FAM174B: variants seen among roughly 807,000 people sequenced by gnomAD.
FAM174B encodes family with sequence similarity 174 member B.
Under a neutral mutation model 10.9 loss-of-function variants are expected in FAM174B, and 12 were observed. The observed-to-expected ratio is 1.10, with a 90% CI of 0.71 to 1.79. The LOEUF is 1.79. FAM174B is among the 40% of genes most tolerant of loss of function. The pLI is 0.00. For missense variants in FAM174B, 266 were observed against 233.3 expected (o/e 1.14, Z -0.91); for synonymous variants, 132 against 115.8 (o/e 1.14, Z -0.90).
intron 1 of FAM174B, among the ~76,000 whole-genome samples, chr15:92,643,138 T>A (rs2050902477): frequency 1.0e-3 from 1 of 980 alleles, no homozygotes; most frequent in Non-Finnish European, 0.028. Flanking sequence ...CTTTATTTGT[T>A]TTTTTTTTTT....
chr15:92,630,555 C>T (rs2050786007), intron 1 of FAM174B, among the ~76,000 whole-genome samples: 2 of 151,906 alleles, frequency 1.3e-5, no homozygotes, highest in South Asian at 4.1e-4. Context: ...ATTCGGTTAA[C>T]ACCCTGCTGC....
At chr15:92,633,394 G>A (rs1000453538) in intron 1 of FAM174B, among the ~76,000 whole-genome samples, 7 of 152,130 alleles carry the variant, frequency 4.6e-5, no homozygotes, top group Admixed American at 4.6e-4. Flanking sequence ...CATGTCTTTG[G>A]CATAAAGCAA....
chr15:92,641,907 ACTATACAT>A (rs1254649908), intron 1 of FAM174B, among the ~76,000 whole-genome samples: 2 of 152,254 alleles, frequency 1.3e-5, no homozygotes, highest in Non-Finnish European at 2.9e-5. Flanking sequence ...TCACTTGCAA[ACTATACAT>A]CTGATCAAAG....
At chr15:92,630,402 GCCCCAA>G in intron 1 of FAM174B, 57 bp from the exon 2 acceptor site, 1 of 1,531,028 alleles carries the variant, frequency 6.5e-7, no homozygotes. Context: ...GAGTCACTGG[GCCCCAA>G]GCCCCAGAGG....
intron 1 of FAM174B, among the ~76,000 whole-genome samples, chr15:92,654,922 T>C (rs1327191614): frequency 6.6e-6 from 1 of 152,166 alleles, no homozygotes; most frequent in East Asian, 1.9e-4. Flanking sequence ...CCTCCACCAC[T>C]GAGTTTACCT....
intron 2 of FAM174B, among the ~76,000 whole-genome samples, chr15:92,622,735 T>A (rs755907879): frequency 3.0e-4 from 45 of 152,352 alleles, no homozygotes; most frequent in Non-Finnish European, 5.3e-4. Context: ...TTGAGCCACC[T>A]TGGGCTCACT....
intron 1 of FAM174B, among the ~76,000 whole-genome samples, chr15:92,644,344 C>G (rs563782996): frequency 6.6e-6 from 1 of 152,304 alleles, no homozygotes; most frequent in African/African-American, 2.4e-5. Flanking sequence ...CGACAAGCCA[C>G]TGAGAGGCAA....
chr15:92,648,205 C>A (rs2050941241), intron 1 of FAM174B, among the ~76,000 whole-genome samples: 1 of 152,168 alleles, frequency 6.6e-6, no homozygotes, highest in South Asian at 2.1e-4. Flanking sequence ...CACCTCGGGC[C>A]CACGTTCTCA....
rs61322216 is a variant in FAM174B at position 92,643,344 on chromosome 15, A to ATGTGTGTGTGTGTGTGTGTG, written c.344+11952_344+11971dup. Among the ~76,000 whole-genome samples, 446 of 138,136 alleles carry ATGTGTGTGTGTGTGTGTGTG rather than the reference A, an allele frequency of 3.2e-3. 6 individuals carry two copies. Among genetic ancestry groups the ATGTGTGTGTGTGTGTGTGTG allele is most frequent in the Non-Finnish European group, 5.3e-3 (336 of 63,416 alleles). 90.6% of individuals were successfully genotyped at this position (138,136 alleles called of 152,430 possible). A position where few individuals can be genotyped will look rare whatever the true frequency, so the allele number is the denominator to read the frequency against. ...AGTCATTATAAGAAATAGGGAAGGA[A>ATGTGTGTGTGTGTGTGTGTG]TGTGTGTGTGTGTGTGTGTGTGTGT... On this transcript the variant is annotated intron_variant, in intron 1 of 2. Transcript: ENST00000327355.
Position 92,655,158 on chromosome 15 carries a change from G to A in FAM174B, c.344+158C>T, listed in dbSNP as rs138235581. 376 of 1,055,078 alleles carry A rather than the reference G, an allele frequency of 3.6e-4. 2 individuals carry two copies. The African/African-American group carries it at 4.4e-3, about 12-fold the overall frequency. The allele number at this position is 1,055,078 out of a possible 1,614,324, so 65.4% of individuals were successfully genotyped here. A position where few individuals can be genotyped will look rare whatever the true frequency, so the allele number is the denominator to read the frequency against. ...GGAAAATCCAGACGAGCACACCCCG[G>A]CCCCCCACCCACTCTCCCGGGCAGG... On this transcript the variant is annotated intron_variant, in intron 1 of 2. Coordinates refer to ENST00000327355, the MANE Select transcript of FAM174B (RefSeq NM_207446.3).
chr15:92,636,000 C>T (rs753065575), intron 1 of FAM174B, among the ~76,000 whole-genome samples: 31 of 152,322 alleles, frequency 2.0e-4, no homozygotes, highest in Admixed American at 1.4e-3. Flanking sequence ...GCAAGCCTGT[C>T]TGAACAGTGG....
intron 1 of FAM174B, among the ~76,000 whole-genome samples, chr15:92,633,605 C>T (rs1032097113): frequency 3.9e-5 from 6 of 152,118 alleles, no homozygotes; most frequent in Admixed American, 1.3e-4. Flanking sequence ...TGAATCTACC[C>T]GGATTCTGAA....
At chr15:92,648,752 T>TTGTCATGGTCCCTCCTCTG in intron 1 of FAM174B, among the ~76,000 whole-genome samples, 1 of 152,258 alleles carries the variant, frequency 6.6e-6, no homozygotes, top group East Asian at 1.9e-4. Flanking sequence ...CCCAAGCACT[T>TTGTCATGGTCCCTCCTCTG]TGCCATGGTC....
rs776486239 is a variant in FAM174B at position 92,617,586 on chromosome 15, G to A, written c.*1870C>T. The stretch of plus-strand genomic sequence containing the variant: ...GCAGATGGAGCCCGGGTGTTTCTGC[G>A]TAAGGCAGAGGAATCCAGCTTTTCC... On this transcript the variant is annotated 3_prime_UTR_variant, in exon 3 of 3. Transcript: ENST00000327355. 51 of 613,326 alleles carry A rather than the reference G, an allele frequency of 8.3e-5. No homozygotes were observed. The highest frequency in any genetic ancestry group is 3.1e-4 in the East Asian group (10 of 31,762). The allele number at this position is 613,326 out of a possible 1,614,324, so 38.0% of individuals were successfully genotyped here. A position where few individuals can be genotyped will look rare whatever the true frequency, so the allele number is the denominator to read the frequency against.
Position 92,648,977 on chromosome 15 carries a change from T to C in FAM174B, c.344+6339A>G, listed in dbSNP as rs190820441. On this transcript the variant is annotated intron_variant, in intron 1 of 2. Coordinates refer to ENST00000327355, the MANE Select transcript of FAM174B (RefSeq NM_207446.3). Reference sequence around the variant, plus strand: ...CAAAACCTCAGTCATAAAACTAAAGTACTAACACAATCCATGAAGGCTTCT... The same window carrying C: ...CAAAACCTCAGTCATAAAACTAAAGCACTAACACAATCCATGAAGGCTTCT... Among the ~76,000 whole-genome samples the C allele has an allele frequency of 3.3e-3, 500 of 152,336 alleles. 3 individuals carry two copies. The highest frequency in any genetic ancestry group is 5.4e-3 in the Non-Finnish European group (370 of 68,020).
intron 1 of FAM174B, among the ~76,000 whole-genome samples, chr15:92,634,993 G>T (rs878971446): frequency 2.0e-5 from 3 of 152,098 alleles, no homozygotes; most frequent in African/African-American, 7.2e-5. Flanking sequence ...CCGCATTTAG[G>T]CTGGACCTTA....
chr15:92,632,701 T>C (rs2050827416), intron 1 of FAM174B, among the ~76,000 whole-genome samples: 1 of 151,678 alleles, frequency 6.6e-6, no homozygotes. Context: ...TTTCTATCTG[T>C]AGTAGAGACG....
At chr15:92,620,358 A>C (rs1341573481) in intron 2 of FAM174B, among the ~76,000 whole-genome samples, 1 of 151,996 alleles carries the variant, frequency 6.6e-6, no homozygotes, top group Non-Finnish European at 1.5e-5. Context: ...ATTAGCCGGG[A>C]GTGGTGGTGG....
chr15:92,619,248 C>T lies in FAM174B; in HGVS notation c.*208G>A, dbSNP rs1160228066. ...AGGGATGCCCAAAGGGTGGCAGAAG[C>T]AACTCCATTGTGGTGACGTGGAAAC... On this transcript the variant is annotated 3_prime_UTR_variant, in exon 3 of 3. Transcript: ENST00000327355. 1 of 711,830 alleles carries T rather than the reference C, an allele frequency of 1.4e-6. No homozygotes were observed. The highest frequency in any genetic ancestry group is 2.6e-6 in the Non-Finnish European group (1 of 390,638). 44.1% of individuals were successfully genotyped at this position (711,830 alleles called of 1,614,324 possible).
Sources: gnomAD v4.1 joint callset for allele counts (sites outside exome capture counted in the v4.1 genomes callset) on GRCh38, gnomAD v4.1.1 for gene constraint, MANE v1.5 for transcripts, NCBI Gene and HGNC (gene_info 2026-07-23, HGNC 2026-07-21) for gene names.